The following SLC9A9 variants were observed in gnomAD, a reference collection of about 807,000 sequenced individuals.
SLC9A9 encodes the protein sodium/hydrogen exchanger 9.
In SLC9A9, 62 loss-of-function variants were observed where a neutral mutation model predicts 77.8. That is an observed-to-expected ratio of 0.80 (90% CI 0.65 to 0.98). The LOEUF is 0.98. SLC9A9 is among the 50% of genes least tolerant of loss of function. SLC9A9 has a pLI of 0.00. For missense variants in SLC9A9, 775 were observed against 774.9 expected (o/e 1.00, Z 0.00); for synonymous variants, 320 against 283.5 (o/e 1.13, Z -1.29).
intron 4 of SLC9A9, among the ~76,000 whole-genome samples, chr3:143,782,245 C>T (rs1002893289): frequency 6.6e-6 from 1 of 152,164 alleles, no homozygotes; most frequent in Non-Finnish European, 1.5e-5. Flanking sequence ...TATAGTCTGT[C>T]TGTACTAAAT....
chr3:143,839,858 A>AT (rs2009663496), intron 1 of SLC9A9, among the ~76,000 whole-genome samples: 1 of 152,120 alleles, frequency 6.6e-6, no homozygotes, highest in African/African-American at 2.4e-5. Context: ...AACACACTTT[A>AT]TTTTTTTCTC....
chr3:143,363,586 G>A (rs982258912), intron 13 of SLC9A9, 23 bp from the exon 14 acceptor site: 4 of 1,598,166 alleles, frequency 2.5e-6, no homozygotes, highest in Non-Finnish European at 8.6e-7. Context: ...AATAGAAAAA[G>A]GCATTGGGTA....
chr3:143,320,841 G>A (rs886244777), intron 14 of SLC9A9, among the ~76,000 whole-genome samples: 2 of 152,210 alleles, frequency 1.3e-5, no homozygotes, highest in Admixed American at 6.5e-5. Flanking sequence ...ATTAAGATGA[G>A]ATGAGGTCAT....
At chr3:143,804,298 C>T (rs537374172) in intron 2 of SLC9A9, among the ~76,000 whole-genome samples, 66 of 152,286 alleles carry the variant, frequency 4.3e-4, no homozygotes, top group African/African-American at 1.5e-3. Flanking sequence ...GCTACCTTCC[C>T]CTTGCTCATC....
chr3:143,532,882 C>T (rs886490366), intron 9 of SLC9A9, among the ~76,000 whole-genome samples: 4 of 152,224 alleles, frequency 2.6e-5, no homozygotes, highest in Non-Finnish European at 4.4e-5. Flanking sequence ...TTCTTGCCAA[C>T]GCCTTTTGCC....
At chr3:143,801,817 T>C (rs1015536096) in intron 2 of SLC9A9, among the ~76,000 whole-genome samples, 1 of 152,202 alleles carries the variant, frequency 6.6e-6, no homozygotes, top group African/African-American at 2.4e-5. Flanking sequence ...GGATTACATG[T>C]CAATATTTAT....
At chr3:143,716,020 C>T (rs1205266059) in intron 4 of SLC9A9, among the ~76,000 whole-genome samples, 1 of 152,202 alleles carries the variant, frequency 6.6e-6, no homozygotes, top group Non-Finnish European at 1.5e-5. Flanking sequence ...CTGTATTTCA[C>T]ATAAGTGTTA....
intron 2 of SLC9A9, among the ~76,000 whole-genome samples, chr3:143,827,599 G>A (rs772736078): frequency 2.0e-5 from 3 of 152,086 alleles, no homozygotes; most frequent in Non-Finnish European, 2.9e-5. Context: ...AACTCACAGA[G>A]CCATCAAACC....
chr3:143,276,439 A>T (rs1317702782), intron 14 of SLC9A9, among the ~76,000 whole-genome samples: 1 of 152,128 alleles, frequency 6.6e-6, no homozygotes, highest in East Asian at 1.9e-4. Flanking sequence ...TTTGTTATTT[A>T]ATTGTTCTGC....
chr3:143,527,235 GTTC>G lies in SLC9A9; in HGVS notation c.1089+25124_1089+25126del, dbSNP rs1438098301. Reference sequence around the variant, plus strand: ...AGATAGCATGTAATGTATCTCCACTGTTCTTCTTCAAGCTTTACGGTAAGATTC... The same window carrying G: ...AGATAGCATGTAATGTATCTCCACTGTTCTTCAAGCTTTACGGTAAGATTC... On this transcript the variant is annotated intron_variant, in intron 9 of 15. Coordinates refer to ENST00000316549, the MANE Select transcript of SLC9A9 (RefSeq NM_173653.4). 5.3e-5 allele frequency among the ~76,000 whole-genome samples: 8 copies of G among 152,188 alleles called. No individual in the cohort carries two copies. The East Asian group carries it at 1.4e-3, about 26-fold the overall frequency.
At chr3:143,526,164 G>A (rs2036402256) in intron 9 of SLC9A9, among the ~76,000 whole-genome samples, 2 of 152,194 alleles carry the variant, frequency 1.3e-5, no homozygotes, top group Admixed American at 6.5e-5. Flanking sequence ...CACAGGGGAA[G>A]CTAAACCCTC....
At position 143,331,280 on chromosome 3, in the gene SLC9A9, G is replaced by A. The variant is rs112261138; in HGVS notation, c.1604+32204C>T. 2.2e-3 allele frequency among the ~76,000 whole-genome samples: 337 copies of A among 152,250 alleles called. 3 individuals are homozygous for A. Among genetic ancestry groups the A allele is most frequent in the Admixed American group, 4.9e-3 (75 of 15,296 alleles). On this transcript the variant is annotated intron_variant, in intron 14 of 15. Transcript: ENST00000316549. ...GCTGGTGGGCTGCCTTGCCCACATG[G>A]GTAAGGAGAACATGTGCAATATTAA...
intron 1 of SLC9A9, among the ~76,000 whole-genome samples, chr3:143,841,635 A>AG (rs753503115): frequency 6.6e-6 from 1 of 152,142 alleles, no homozygotes; most frequent in Admixed American, 6.5e-5. Flanking sequence ...TCAAACACTG[A>AG]GGGGGGAGTC....
intron 9 of SLC9A9, chr3:143,517,886 T>C (rs2036230714): frequency 6.4e-7 from 1 of 1,553,024 alleles, no homozygotes; most frequent in Non-Finnish European, 8.8e-7. Flanking sequence ...TTTTTAATCA[T>C]TTGCCTGATC....
intron 14 of SLC9A9, among the ~76,000 whole-genome samples, chr3:143,348,601 T>C (rs1314961451): frequency 6.6e-6 from 1 of 152,230 alleles, no homozygotes; most frequent in Non-Finnish European, 1.5e-5. Flanking sequence ...TATACTCCTT[T>C]TTTAAGAAAG....
chr3:143,320,233 T>C (rs1424201957), intron 14 of SLC9A9, among the ~76,000 whole-genome samples: 1 of 152,268 alleles, frequency 6.6e-6, no homozygotes, highest in Non-Finnish European at 1.5e-5. Context: ...GGAACTTGCC[T>C]GGTGCATAGT....
At chr3:143,273,176 C>T (rs1415671097) in intron 14 of SLC9A9, among the ~76,000 whole-genome samples, 2 of 152,180 alleles carry the variant, frequency 1.3e-5, no homozygotes, top group Admixed American at 1.3e-4. Flanking sequence ...TTGCATAGGT[C>T]AGTGAGAAGC....
rs544907677 is a variant in SLC9A9 at position 143,806,445 on chromosome 3, T to C, written c.379-9542A>G. 2.6e-5 allele frequency among the ~76,000 whole-genome samples: 4 copies of C among 152,286 alleles called. No individual in the cohort carries two copies. The East Asian group carries it at 7.7e-4, about 29-fold the overall frequency. On this transcript the variant is annotated intron_variant, in intron 2 of 15. Coordinates refer to ENST00000316549, the MANE Select transcript of SLC9A9 (RefSeq NM_173653.4). ...GGGATCGTATCAAGGATCACAGTGA[T>C]GCCTTAGTCTGCATTGCCTTCTCCT...
chr3:143,627,954 T>G (rs944983150), intron 6 of SLC9A9, among the ~76,000 whole-genome samples: 1 of 152,276 alleles, frequency 6.6e-6, no homozygotes, highest in Non-Finnish European at 1.5e-5. Flanking sequence ...ACTTCTCCAA[T>G]TAAACTGTGA....
Sources: gnomAD v4.1 joint callset for allele counts (sites outside exome capture counted in the v4.1 genomes callset) on GRCh38, gnomAD v4.1.1 for gene constraint, MANE v1.5 for transcripts, NCBI Gene and HGNC (gene_info 2026-07-23, HGNC 2026-07-21) for gene names.